The following SLC35F3 variants were observed in gnomAD, a reference collection of about 807,000 sequenced individuals.
SLC35F3 encodes solute carrier family 35 member F3, also known as putative thiamine transporter SLC35F3.
Under a neutral mutation model 49.9 loss-of-function variants are expected in SLC35F3, and 25 were observed. The observed-to-expected ratio is 0.50, with a 90% CI of 0.37 to 0.70. SLC35F3 has a LOEUF of 0.70. Among genes scored for constraint, SLC35F3 ranks in the 30% least tolerant of loss-of-function variants. The pLI, the probability that SLC35F3 is intolerant of heterozygous loss-of-function variation, is 0.00. For missense variants in SLC35F3, 525 were observed against 639.8 expected, an observed-to-expected ratio of 0.82 and a Z score of 1.94; for synonymous variants, 275 against 265.4, an observed-to-expected ratio of 1.04 and a Z score of -0.35.
chr1:234,116,327 A>G (rs1006422473), intron 2 of SLC35F3, among the ~76,000 whole-genome samples: 1 of 152,142 alleles, frequency 6.6e-6, no homozygotes, highest in Non-Finnish European at 1.5e-5. Flanking sequence ...AGCTCAGGAA[A>G]TTCAAGGGCT....
intron 2 of SLC35F3, among the ~76,000 whole-genome samples, chr1:234,108,350 ATATTTATATATATGATATATAT>A (rs1337716147): frequency 8.6e-6 from 1 of 115,986 alleles, no homozygotes; most frequent in East Asian, 6.9e-4. Flanking sequence ...TAAAAGATAT[ATATTTATATATATGATATATAT>A]TATTTATATA....
At chr1:234,152,785 T>G (rs980229538) in intron 2 of SLC35F3, among the ~76,000 whole-genome samples, 2 of 152,176 alleles carry the variant, frequency 1.3e-5, no homozygotes, top group African/African-American at 2.4e-5. Flanking sequence ...TGGTTCTAGA[T>G]CCTTGAAAAA....
At chr1:234,133,516 A>T (rs1665763607) in intron 2 of SLC35F3, among the ~76,000 whole-genome samples, 1 of 152,206 alleles carries the variant, frequency 6.6e-6, no homozygotes, top group African/African-American at 2.4e-5. Context: ...CAACAGAGGC[A>T]TCTGACATGG....
At chr1:234,291,392 G>A (rs2102985947) in intron 3 of SLC35F3, among the ~76,000 whole-genome samples, 1 of 152,312 alleles carries the variant, frequency 6.6e-6, no homozygotes, top group East Asian at 1.9e-4. Context: ...GCTAGAGCTT[G>A]GGGAGAGTCA....
chr1:234,082,039 G>A (rs112621487), intron 2 of SLC35F3, among the ~76,000 whole-genome samples: 14 of 149,902 alleles, frequency 9.3e-5, no homozygotes, highest in African/African-American at 3.4e-4. Flanking sequence ...ACAGGCGTGA[G>A]CCACTGCGCC....
At chr1:233,961,903 G>A (rs574278780) in intron 2 of SLC35F3, among the ~76,000 whole-genome samples, 2 of 152,302 alleles carry the variant, frequency 1.3e-5, no homozygotes, top group East Asian at 1.9e-4. Flanking sequence ...AGTGGGCAAC[G>A]TGGCAATGAA....
chr1:234,298,559 C>T (rs993994273), intron 3 of SLC35F3, among the ~76,000 whole-genome samples: 1 of 152,290 alleles, frequency 6.6e-6, no homozygotes, highest in East Asian at 1.9e-4. Context: ...TTTCAGAGAT[C>T]GTGATCTACC....
intron 2 of SLC35F3, among the ~76,000 whole-genome samples, chr1:233,979,460 A>T (rs1377614979): frequency 6.6e-6 from 1 of 152,244 alleles, no homozygotes; most frequent in African/African-American, 2.4e-5. Flanking sequence ...TATATTTGGC[A>T]GCCTAACTTT....
At chr1:234,310,590 G>T (rs1657328473) in intron 4 of SLC35F3, among the ~76,000 whole-genome samples, 1 of 152,160 alleles carries the variant, frequency 6.6e-6, no homozygotes, top group South Asian at 2.1e-4. Flanking sequence ...CACCCAGCAG[G>T]CTGCCTGACT....
intron 2 of SLC35F3, among the ~76,000 whole-genome samples, chr1:233,966,753 A>G (rs886527860): frequency 3.3e-5 from 5 of 152,228 alleles, no homozygotes; most frequent in African/African-American, 1.2e-4. Context: ...TTCTCTCACA[A>G]GCTAATTCTG....
intron 2 of SLC35F3, among the ~76,000 whole-genome samples, chr1:234,108,678 A>G (rs1372616198): frequency 2.1e-5 from 2 of 96,328 alleles, no homozygotes; most frequent in Admixed American, 1.7e-4. Context: ...AAAGATATAT[A>G]TATTTTTATA....
intron 2 of SLC35F3, among the ~76,000 whole-genome samples, chr1:233,938,557 G>C (rs1662369609): frequency 6.6e-6 from 1 of 151,848 alleles, no homozygotes; most frequent in East Asian, 1.9e-4. Context: ...TTATACCTAA[G>C]GAAAAAGGTA....
rs535031605 is a variant in SLC35F3, at chr1:234,035,751, GCT to G, written c.283+129996_283+129997del. Among the ~76,000 whole-genome samples, 9 of 152,174 alleles carry G rather than the reference GCT, an allele frequency of 5.9e-5. No individual in the cohort carries two copies. In the East Asian group the frequency reaches 1.5e-3, roughly 26 times the overall value. On this transcript the variant is annotated intron_variant, in intron 2 of 7. Transcript: ENST00000366618. ...CTGTTTTATATGTTTAATTACAAGA[GCT>G]CTTTTTTGTTTGCCAACTTTTTAAA...
chr1:233,958,523 C>T (rs1662742242), intron 2 of SLC35F3, among the ~76,000 whole-genome samples: 1 of 152,196 alleles, frequency 6.6e-6, no homozygotes, highest in South Asian at 2.1e-4. Flanking sequence ...CACACTCCAG[C>T]AAGTTCAACC....
intron 2 of SLC35F3, among the ~76,000 whole-genome samples, chr1:234,153,126 A>G (rs1666100039): frequency 6.6e-6 from 1 of 152,222 alleles, no homozygotes; most frequent in Admixed American, 6.5e-5. Context: ...ATCCACTCTT[A>G]TCAACATGCA....
intron 3 of SLC35F3, among the ~76,000 whole-genome samples, chr1:234,284,590 G>A (rs1668381599): frequency 6.6e-6 from 1 of 152,208 alleles, no homozygotes; most frequent in Non-Finnish European, 1.5e-5. Context: ...AAAAGAGAAA[G>A]CAAAGTGCCT....
intron 2 of SLC35F3, among the ~76,000 whole-genome samples, chr1:234,175,721 G>C (rs1215270891): frequency 6.6e-6 from 1 of 151,020 alleles, no homozygotes; most frequent in Non-Finnish European, 1.5e-5. Context: ...CTGAAGGACT[G>C]TCTATGGTTT....
At chr1:234,247,400 T>C (rs1667650803) in intron 3 of SLC35F3, among the ~76,000 whole-genome samples, 1 of 152,284 alleles carries the variant, frequency 6.6e-6, no homozygotes. Context: ...GGTGGGTTGG[T>C]TGGCTGGTCC....
At chr1:234,245,626 A>G (rs1005379972) in intron 3 of SLC35F3, among the ~76,000 whole-genome samples, 2 of 152,202 alleles carry the variant, frequency 1.3e-5, no homozygotes, top group African/African-American at 4.8e-5. Flanking sequence ...CCCCTGCTCC[A>G]TGATGCTTAG....
Sources: allele counts gnomAD v4.1 joint callset (sites outside exome capture counted in the v4.1 genomes callset), GRCh38; gene constraint gnomAD v4.1.1; transcripts MANE v1.5; gene names NCBI Gene and HGNC (gene_info 2026-07-23, HGNC 2026-07-21).